The following RALYL variants were observed in gnomAD, a reference collection of about 807,000 sequenced individuals.
RALYL encodes the protein RALY RNA binding protein like, also known as RNA-binding Raly-like protein.
RALYL carries 29 observed loss-of-function variants against 35.1 expected under a neutral mutation model. The observed-to-expected ratio is 0.83, with a 90% CI of 0.61 to 1.13. The LOEUF is 1.13. Ranked by LOEUF, RALYL falls within the 50% of genes most tolerant of loss-of-function variation. The probability of loss-of-function intolerance (pLI) is 0.00; values close to 1 mark genes in which losing one functional copy is unlikely to be tolerated. For missense variants in RALYL, 359 were observed against 360.4 expected (o/e 1.00, Z 0.03); for synonymous variants, 120 against 127.6 (o/e 0.94, Z 0.40).
chr8:84,445,961 T>C (rs2048805213), intron 1 of RALYL, among the ~76,000 whole-genome samples: 1 of 151,756 alleles, frequency 6.6e-6, no homozygotes, highest in Admixed American at 6.6e-5. Context: ...TGTTTAAAGA[T>C]TTATATAATA....
chr8:84,518,916 G>A (rs1159336002), intron 1 of RALYL, among the ~76,000 whole-genome samples: 1 of 152,180 alleles, frequency 6.6e-6, no homozygotes, highest in South Asian at 2.1e-4. Flanking sequence ...CTGTGGGCAT[G>A]ACAATGTTTA....
chr8:84,836,238 A>G (rs1056702872), intron 4 of RALYL, among the ~76,000 whole-genome samples: 1 of 152,168 alleles, frequency 6.6e-6, no homozygotes, highest in African/African-American at 2.4e-5. Context: ...TCACTGGTCT[A>G]TCAATTAAAG....
intron 1 of RALYL, among the ~76,000 whole-genome samples, chr8:84,519,751 G>A (rs1264549104): frequency 6.6e-6 from 1 of 152,178 alleles, no homozygotes; most frequent in African/African-American, 2.4e-5. Context: ...CTAAAACAAG[G>A]GGATGATATG....
At chr8:84,581,738 A>G (rs568604359) in intron 2 of RALYL, among the ~76,000 whole-genome samples, 4 of 151,578 alleles carry the variant, frequency 2.6e-5, no homozygotes, top group Non-Finnish European at 5.9e-5. Flanking sequence ...AGTATATCCT[A>G]TAAAATGAGA....
intron 2 of RALYL, among the ~76,000 whole-genome samples, chr8:84,682,781 C>T (rs1237885739): frequency 6.6e-6 from 1 of 151,746 alleles, no homozygotes; most frequent in Non-Finnish European, 1.5e-5. Context: ...TTGATCTTTT[C>T]AAAAAACCAG....
At position 84,811,577 on chromosome 8, in the gene RALYL, G is replaced by A. The variant is rs184335977; in HGVS notation, c.365+6775G>A. On this transcript the variant is annotated intron_variant, in intron 4 of 8. Coordinates refer to ENST00000521268, the MANE Select transcript of RALYL (RefSeq NM_173848.7). ...TGTCTAGTTCTCTAGCAAGGCCAGG[G>A]AAGTTTTCCTCGATTTTTCCCCCAA... is the stretch of plus-strand genomic sequence containing the variant. Among the ~76,000 whole-genome samples the A allele has an allele frequency of 2.8e-3, 431 of 152,240 alleles. 2 individuals carry two copies. The highest frequency in any genetic ancestry group is 3.1e-3 in the Admixed American group (47 of 15,274).
chr8:84,629,807 T>C (rs2131223173), intron 2 of RALYL, among the ~76,000 whole-genome samples: 1 of 152,190 alleles, frequency 6.6e-6, no homozygotes, highest in African/African-American at 2.4e-5. Flanking sequence ...GTGTGTTTTC[T>C]AATTTTCCTA....
At chr8:84,832,335 T>C (rs1831090568) in intron 4 of RALYL, among the ~76,000 whole-genome samples, 1 of 152,132 alleles carries the variant, frequency 6.6e-6, no homozygotes, top group Non-Finnish European at 1.5e-5. Context: ...ACTAATGACC[T>C]CTTTCTGGTT....
chr8:84,196,541 G>GT (rs1361476836), intron 1 of RALYL, among the ~76,000 whole-genome samples: 10 of 152,226 alleles, frequency 6.6e-5, no homozygotes, highest in East Asian at 1.9e-4. Flanking sequence ...AAAATATTCT[G>GT]TTTTTTGTGC....
intron 2 of RALYL, among the ~76,000 whole-genome samples, chr8:84,634,259 C>T (rs922340383): frequency 1.3e-5 from 2 of 151,718 alleles, no homozygotes; most frequent in Admixed American, 1.3e-4. Flanking sequence ...TTCTTTCCTC[C>T]CTACTTTTGA....
At chr8:84,858,729 C>T (rs1433753806) in intron 5 of RALYL, among the ~76,000 whole-genome samples, 1 of 152,128 alleles carries the variant, frequency 6.6e-6, no homozygotes, top group Non-Finnish European at 1.5e-5. Context: ...TCTTGGGCTG[C>T]CTTTCACCTA....
chr8:84,213,771 G>A (rs976475302), intron 1 of RALYL, among the ~76,000 whole-genome samples: 9 of 152,048 alleles, frequency 5.9e-5, no homozygotes, highest in African/African-American at 2.2e-4. Flanking sequence ...TTTATATTTC[G>A]GTTCTGTCCT....
intron 1 of RALYL, among the ~76,000 whole-genome samples, chr8:84,525,111 G>T (rs2058777068): frequency 6.6e-6 from 1 of 151,200 alleles, no homozygotes; most frequent in Non-Finnish European, 1.5e-5. Context: ...AGTCACATGT[G>T]GTTATTGACT....
intron 1 of RALYL, among the ~76,000 whole-genome samples, chr8:84,294,480 G>A (rs1435563053): frequency 2.0e-5 from 3 of 152,016 alleles, no homozygotes; most frequent in Admixed American, 2.0e-4. Flanking sequence ...CTCTTGGCTG[G>A]GCAGGGAGTT....
chr8:84,307,775 T>C (rs777557335), intron 1 of RALYL, among the ~76,000 whole-genome samples: 27 of 152,082 alleles, frequency 1.8e-4, no homozygotes, highest in African/African-American at 6.0e-4. Flanking sequence ...AGGGCACAAA[T>C]TGAGACACAG....
chr8:84,881,046 T>C (rs899256539), intron 7 of RALYL, among the ~76,000 whole-genome samples: 1 of 152,042 alleles, frequency 6.6e-6, no homozygotes, highest in Non-Finnish European at 1.5e-5. Context: ...ATACCAGTAA[T>C]TTTTAAATGA....
chr8:84,314,444 A>G (rs1843376225), intron 1 of RALYL, among the ~76,000 whole-genome samples: 1 of 152,018 alleles, frequency 6.6e-6, no homozygotes, highest in South Asian at 2.1e-4. Context: ...TAAATATACA[A>G]GTATATATGT....
chr8:84,681,407 G>A (rs1212351458), intron 2 of RALYL, among the ~76,000 whole-genome samples: 2 of 152,170 alleles, frequency 1.3e-5, no homozygotes, highest in African/African-American at 4.8e-5. Context: ...GTAGCTTGAT[G>A]GGGATGGCAT....
intron 7 of RALYL, among the ~76,000 whole-genome samples, chr8:84,877,271 G>C (rs534317791): frequency 6.6e-6 from 1 of 152,170 alleles, no homozygotes; most frequent in South Asian, 2.1e-4. Context: ...TGGATCACTT[G>C]AGGTTAGGAG....
Sources: allele counts gnomAD v4.1 joint callset (sites outside exome capture counted in the v4.1 genomes callset), GRCh38; gene constraint gnomAD v4.1.1; transcripts MANE v1.5; gene names NCBI Gene and HGNC (gene_info 2026-07-23, HGNC 2026-07-21).